AOX1: variants seen among roughly 807,000 people sequenced by gnomAD.
AOX1 encodes the protein aldehyde oxidase.
A neutral mutation model predicts 169.5 loss-of-function variants in AOX1; 153 were observed. The observed-to-expected ratio is 0.90, with a 90% CI of 0.79 to 1.03. The LOEUF is 1.03. Among genes scored for constraint, AOX1 ranks in the 50% least tolerant of loss-of-function variants. AOX1 has a pLI of 0.00. For synonymous variants in AOX1, 562 were observed against 581.9 expected, an observed-to-expected ratio of 0.97 and a Z score of 0.49; for missense variants, 1,656 against 1,663.9, an observed-to-expected ratio of 1.00 and a Z score of 0.08.
At chr2:200,626,247 A>G (rs1232022584) in intron 19 of AOX1, among the ~76,000 whole-genome samples, 1 of 152,254 alleles carries the variant, frequency 6.6e-6, no homozygotes, top group East Asian at 1.9e-4. Context: ...ACTCTGTCAA[A>G]GAACCTGGGC....
intron 12 of AOX1, 30 bp downstream of exon 12, chr2:200,609,444 T>G: frequency 6.3e-7 from 1 of 1,588,654 alleles, no homozygotes; most frequent in African/African-American, 1.3e-5. Flanking sequence ...TGGAGATTAT[T>G]AAGCTGTTTC....
chr2:200,651,220 C>G lies in AOX1; in HGVS notation c.3075+19C>G. 5 of 1,605,126 alleles carry G rather than the reference C, an allele frequency of 3.1e-6. No individual in the cohort carries two copies. The highest frequency in any genetic ancestry group is 4.3e-6 in the Non-Finnish European group (5 of 1,171,860). On this transcript the variant is annotated intron_variant, in intron 26 of 34. Transcript: ENST00000374700. ...TGGTCAGGTGAGTTCTCCAAATGCA[C>G]ATGAGGATGCTGCCTGGAAGCAGCC...
At chr2:200,594,990 TATAG>T (rs1156289039) in intron 2 of AOX1, among the ~76,000 whole-genome samples, 3 of 152,188 alleles carry the variant, frequency 2.0e-5, no homozygotes, top group African/African-American at 7.2e-5. Flanking sequence ...TGCTTACACA[TATAG>T]ACTCTTCTTT....
chr2:200,656,395 C>T (rs2035685224), intron 26 of AOX1, among the ~76,000 whole-genome samples: 1 of 152,164 alleles, frequency 6.6e-6, no homozygotes, highest in South Asian at 2.1e-4. Context: ...CCTTCTGGAT[C>T]CTTGTGGGGA....
At position 200,651,102 on chromosome 2, in the gene AOX1, T is replaced by C. The variant is rs189174191; in HGVS notation, c.2976T>C (p.Ala992=). The C allele has an allele frequency of 2.6e-5, 42 of 1,614,182 alleles. No individual in the cohort carries two copies. ...AMSSYSLRKV[A]VEKFNAENYW... Reference sequence around the variant, plus strand: ...CTTCCTACTCCTTGAGGAAAGTTGCTGTGGAAAAGTTCAATGCAGAGAATT... The same window carrying C: ...CTTCCTACTCCTTGAGGAAAGTTGCCGTGGAAAAGTTCAATGCAGAGAATT... Residue 992 remains alanine (A), a synonymous_variant, in exon 26 of 35, where the codon GCT becomes GCC. Coordinates refer to ENST00000374700, the MANE Select transcript of AOX1 (RefSeq NM_001159.4).
chr2:200,645,136 C>T (rs1186342627), intron 25 of AOX1, among the ~76,000 whole-genome samples: 2 of 133,514 alleles, frequency 1.5e-5, no homozygotes, highest in African/African-American at 2.9e-5. Flanking sequence ...TGAATGCCTT[C>T]AACTTTTTCC....
At chr2:200,640,734 G>A (rs2035336918) in intron 23 of AOX1, among the ~76,000 whole-genome samples, 2 of 152,304 alleles carry the variant, frequency 1.3e-5, no homozygotes, top group East Asian at 1.9e-4. Flanking sequence ...AGTGACAGAA[G>A]CCATTGTCAT....
chr2:200,593,989 G>A (rs1168948641), intron 2 of AOX1, among the ~76,000 whole-genome samples: 1 of 152,180 alleles, frequency 6.6e-6, no homozygotes, highest in Admixed American at 6.5e-5. Context: ...CAAGATAGAA[G>A]GTAGGAGTTT....
At chr2:200,680,132 G>A (rs143289824), downstream of AOX1, among the ~76,000 whole-genome samples, 452 of 152,174 alleles carry the variant, frequency 3.0e-3, 6 homozygotes, top group African/African-American at 0.011. Flanking sequence ...ACAAGGACGC[G>A]TATTCTATGT....
chr2:200,679,811 G>A (rs556325348), downstream of AOX1, among the ~76,000 whole-genome samples: 3 of 152,322 alleles, frequency 2.0e-5, no homozygotes, highest in East Asian at 5.8e-4. Context: ...ATTGGGCACA[G>A]TGGTGCACAC....
chr2:200,648,358 T>C (rs1014300022), intron 25 of AOX1, among the ~76,000 whole-genome samples: 1 of 152,198 alleles, frequency 6.6e-6, no homozygotes, highest in Admixed American at 6.5e-5. Flanking sequence ...TTGTTGTCTT[T>C]CTTCTGGGTC....
rs372341427 is a variant in AOX1, at chr2:200,634,850, G to A, written c.2281G>A (p.Val761Ile). ...FYMETQSMLVVPKGEDQEMDV... is the reference protein window; with the variant it reads ...FYMETQSMLVIPKGEDQEMDV... ...TATGGAAACCCAAAGCATGCTTGTC[G>A]TTCCCAAGGGAGAGGATCAAGAAAT... The change falls in exon 21 of 35, where the codon GTT becomes ATT. Residue 761 changes from valine to isoleucine, a missense_variant. By Grantham distance (29) the Val-to-Ile change is conservative. Coordinates refer to ENST00000374700, the MANE Select transcript of AOX1 (RefSeq NM_001159.4). The A allele has an allele frequency of 6.0e-5, 97 of 1,614,046 alleles. No individual in the cohort carries two copies. The highest frequency in any genetic ancestry group is 7.0e-5 in the Non-Finnish European group (83 of 1,179,964).
intron 31 of AOX1, among the ~76,000 whole-genome samples, chr2:200,666,371 G>A (rs941066033): frequency 6.6e-6 from 1 of 152,152 alleles, no homozygotes; most frequent in Non-Finnish European, 1.5e-5. Flanking sequence ...TGTGTCATAT[G>A]TTATATCTGT....
rs1383614517 is a variant in AOX1 at position 200,640,032 on chromosome 2, A to C, written c.2569-1066A>C. 9.9e-5 allele frequency among the ~76,000 whole-genome samples: 14 copies of C among 141,360 alleles called. No individual in the cohort carries two copies. The Admixed American group carries it at 1.0e-3, about 10-fold the overall frequency. The allele number at this position is 141,360 out of a possible 152,430, so 92.7% of individuals were successfully genotyped here. On this transcript the variant is annotated intron_variant, in intron 23 of 34. Transcript: ENST00000374700. Reference sequence around the variant, plus strand: ...AGCCCGGGTGACAGAGCGAGACTCCATCTCAAAAAAAAAAAAAAAAAAGAA... The same window carrying C: ...AGCCCGGGTGACAGAGCGAGACTCCCTCTCAAAAAAAAAAAAAAAAAAGAA...
intron 23 of AOX1, 52 bp downstream of exon 23, chr2:200,638,354 T>C (rs2035283843): frequency 1.3e-6 from 2 of 1,498,538 alleles, no homozygotes; most frequent in Non-Finnish European, 9.3e-7. Context: ...TACAACATCC[T>C]ATCAGTGCGC....
intron 13 of AOX1, among the ~76,000 whole-genome samples, chr2:200,611,951 T>A (rs537448864): frequency 5.5e-4 from 83 of 152,212 alleles, no homozygotes; most frequent in Non-Finnish European, 9.7e-4. Context: ...GTGATTCACC[T>A]GCCTCGGCCT....
intron 31 of AOX1, among the ~76,000 whole-genome samples, chr2:200,664,322 C>G (rs558854559): frequency 6.6e-6 from 1 of 152,314 alleles, no homozygotes; most frequent in Admixed American, 6.5e-5. Flanking sequence ...CATGGCTTCA[C>G]CATGTTGCCC....
At chr2:200,657,965 G>A (rs569056071) in intron 27 of AOX1, among the ~76,000 whole-genome samples, 174 of 152,182 alleles carry the variant, frequency 1.1e-3, no homozygotes, top group Middle Eastern at 6.8e-3. Flanking sequence ...TTTATATAGC[G>A]TGAACACTTT....
At chr2:200,680,771 C>T (rs931043495), downstream of AOX1, among the ~76,000 whole-genome samples, 3 of 151,990 alleles carry the variant, frequency 2.0e-5, no homozygotes, top group African/African-American at 7.3e-5. Flanking sequence ...GTCTCAAACT[C>T]CTGACCTCAG....
Sources: gnomAD v4.1 joint callset for allele counts (sites outside exome capture counted in the v4.1 genomes callset) on GRCh38, gnomAD v4.1.1 for gene constraint, MANE v1.5 for transcripts, NCBI Gene and HGNC (gene_info 2026-07-23, HGNC 2026-07-21) for gene names.